Variants in DENND6B observed in about 807,000 individuals in gnomAD.
The protein encoded by DENND6B is protein DENND6B.
DENND6B carries 73 observed loss-of-function variants against 85.1 expected under a neutral mutation model. The ratio of observed to expected loss-of-function variants is 0.86; its 90% CI spans 0.71 to 1.04. The LOEUF is 1.04. DENND6B is among the 50% of genes least tolerant of loss of function. The pLI, the probability that DENND6B is intolerant of heterozygous loss-of-function variation, is 0.00. For synonymous variants in DENND6B, 357 were observed against 329.3 expected (o/e 1.08, Z -0.91); for missense variants, 715 against 785.8 (o/e 0.91, Z 1.08).
At position 50,310,821 on chromosome 22, in the gene DENND6B, G is replaced by GT. The variant is rs1197258838; in HGVS notation, c.*1317dup. The GT allele has an allele frequency of 6.6e-6, 1 of 152,090 alleles. No individual in the cohort carries two copies. The highest frequency in any genetic ancestry group is 1.5e-5 in the Non-Finnish European group (1 of 68,024). The allele number at this position is 152,090 out of a possible 1,614,324, so 9.4% of individuals were successfully genotyped here. A position where few individuals can be genotyped will look rare whatever the true frequency, so the allele number is the denominator to read the frequency against. On this transcript the variant is annotated 3_prime_UTR_variant, in exon 20 of 20. Transcript: ENST00000413817. Reference sequence around the variant, plus strand: ...TAACCAAGCGCAGTGGTGGGTGCCTGTAGTCCCAGCTACTCGGGAGGCTGA... The same window carrying GT: ...TAACCAAGCGCAGTGGTGGGTGCCTGTTAGTCCCAGCTACTCGGGAGGCTGA...
intron 1 of DENND6B, among the ~76,000 whole-genome samples, chr22:50,321,994 C>G (rs957049579): frequency 1.3e-5 from 2 of 151,800 alleles, no homozygotes; most frequent in Non-Finnish European, 2.9e-5. Flanking sequence ...CCACGCCCAG[C>G]TAATTTCCTT....
intron 4 of DENND6B, among the ~76,000 whole-genome samples, chr22:50,317,679 G>A (rs946141281): frequency 2.6e-5 from 4 of 152,160 alleles, no homozygotes; most frequent in African/African-American, 4.8e-5. Context: ...AGCCACAGAT[G>A]TGTGGTGCCA....
intron 9 of DENND6B, 86 bp from the exon 10 acceptor site, chr22:50,315,007 T>C (rs988018213): frequency 6.4e-7 from 1 of 1,562,338 alleles, no homozygotes; most frequent in African/African-American, 1.4e-5. Context: ...TCACCCAGGC[T>C]GGCCCAGGCA....
intron 9 of DENND6B, 45 bp downstream of exon 9, chr22:50,315,668 AC>A (rs746900330): frequency 6.5e-7 from 1 of 1,548,222 alleles, no homozygotes; most frequent in African/African-American, 1.4e-5. Context: ...ACGTGCACAC[AC>A]AGTGAGCTCC....
chr22:50,315,976 A>G (rs368555993), intron 8 of DENND6B, 49 bp downstream of exon 8: 4 of 1,611,818 alleles, frequency 2.5e-6, no homozygotes, highest in Non-Finnish European at 1.7e-6. Context: ...GCAGGACTCA[A>G]TCGGGTGAAG....
rs554763541 is a variant in DENND6B at position 50,311,771 on chromosome 22, T to C, written c.*368A>G. ...GCAGCCTGTTGGGCTGAGGGAAGCA[T>C]CACACACAGCGCAGGGGGGTCGGGG... is the stretch of plus-strand genomic sequence containing the variant. On this transcript the variant is annotated 3_prime_UTR_variant, in exon 20 of 20. Transcript: ENST00000413817. 2 of 273,382 alleles carry C rather than the reference T, an allele frequency of 7.3e-6. No individual in the cohort carries two copies. Among genetic ancestry groups the C allele is most frequent in the Non-Finnish European group, 1.4e-5 (2 of 141,690 alleles). 16.9% of individuals were successfully genotyped at this position (273,382 alleles called of 1,614,324 possible).
rs559697546 is a variant in DENND6B at position 50,317,112 on chromosome 22, T to TG, written c.453+180dup. 36 of 164,362 alleles carry TG rather than the reference T, an allele frequency of 2.2e-4. No homozygotes were observed. The African/African-American group carries it at 2.3e-3, about 10-fold the overall frequency. 10.2% of individuals were successfully genotyped at this position (164,362 alleles called of 1,614,324 possible). On this transcript the variant is annotated intron_variant, in intron 5 of 19. Transcript: ENST00000413817. ...GGGTGGGGGGGTGGCGAGGACAGGG[T>TG]GGGGGGCGGCGAGGACAGGGTGGGG... is the stretch of plus-strand genomic sequence containing the variant.
chr22:50,318,933 T>C (rs1236869616), intron 2 of DENND6B, 32 bp downstream of exon 2: 5 of 1,609,844 alleles, frequency 3.1e-6, no homozygotes, highest in Non-Finnish European at 4.2e-6. Flanking sequence ...CACTCCTGGG[T>C]CCTGTCCATT....
Position 50,326,974 on chromosome 22 carries a change from C to G in DENND6B, c.15G>C (p.Leu5Phe), listed in dbSNP as rs917935282. ...CGCGAGCCCGGCGAGGCCCTGTGCC[C>G]AACAGCGCGTCCATGGCGGCGGCCG... is the stretch of plus-strand genomic sequence containing the variant. MDAL[L>F]GTGPRRARGC... Residue 5 changes from leucine to phenylalanine, a missense_variant, in exon 1 of 20, where the codon TTG becomes TTC. Transcript: ENST00000413817. The G allele has an allele frequency of 6.6e-6, 8 of 1,208,336 alleles. No homozygotes were observed. The highest frequency in any genetic ancestry group is 1.6e-5 in the African/African-American group (1 of 63,020). 74.9% of individuals were successfully genotyped at this position (1,208,336 alleles called of 1,614,324 possible). A position where few individuals can be genotyped will look rare whatever the true frequency, so the allele number is the denominator to read the frequency against.
intron 11 of DENND6B, 34 bp from the exon 12 acceptor site, chr22:50,314,528 AGAGGTCCAGG>A: frequency 6.4e-7 from 1 of 1,554,430 alleles, no homozygotes; most frequent in Admixed American, 2.0e-5. Context: ...AGGCAGAGAC[AGAGGTCCAGG>A]GAGGTGCAGG....
At position 50,314,817 on chromosome 22, in the gene DENND6B, A is replaced by G. The variant is rs776358954; in HGVS notation, c.863T>C (p.Met288Thr). ...GCGATACCTGGTCAAGGCCAGCACCATCTCCGAGGACACGTCGGGCGAGGG... is the reference window on the plus strand; with the variant it reads ...GCGATACCTGGTCAAGGCCAGCACCGTCTCCGAGGACACGTCGGGCGAGGG... ...LAPSPDVSSE[M>T]VLALTSCLQP... The change falls in exon 10 of 20, where the codon ATG becomes ACG. Residue 288 changes from methionine to threonine, a missense_variant. Coordinates refer to ENST00000413817, the MANE Select transcript of DENND6B (RefSeq NM_001001794.4). 6.2e-7 allele frequency: 1 copy of G among 1,609,360 alleles called. No individual in the cohort carries two copies. The highest frequency in any genetic ancestry group is 8.5e-7 in the Non-Finnish European group (1 of 1,178,430).
intron 1 of DENND6B, among the ~76,000 whole-genome samples, chr22:50,319,994 G>A (rs1294921594): frequency 1.3e-5 from 2 of 152,206 alleles, no homozygotes; most frequent in Non-Finnish European, 2.9e-5. Flanking sequence ...ACGCACACAT[G>A]GACCACTTTC....
chr22:50,321,034 G>C (rs1222999427), intron 1 of DENND6B, among the ~76,000 whole-genome samples: 1 of 152,214 alleles, frequency 6.6e-6, no homozygotes, highest in Non-Finnish European at 1.5e-5. Context: ...GGCCTCCCAG[G>C]TCAGGCTGTG....
Position 50,326,889 on chromosome 22 carries a change from G to A in DENND6B, c.100C>T (p.Pro34Ser), listed in dbSNP as rs2042204246. ...AGCCAGGCGGAGAAGCGCGCCCAGG[G>A]CGCCGCCGGGGTCCGCGCCGCGCGA... ...SGRAARTPAA[P>S]WARFSAWLEC... Residue 34 changes from proline to serine, a missense_variant, in exon 1 of 20, where the codon CCC (proline) becomes TCC (serine). Transcript: ENST00000413817. 3.5e-6 allele frequency: 5 copies of A among 1,411,094 alleles called. No individual in the cohort carries two copies. The highest frequency in any genetic ancestry group is 2.4e-4 in the Middle Eastern group (1 of 4,126). The allele number at this position is 1,411,094 out of a possible 1,614,324, so 87.4% of individuals were successfully genotyped here. A position where few individuals can be genotyped will look rare whatever the true frequency, so the allele number is the denominator to read the frequency against.
chr22:50,316,568 G>A (rs950104058), intron 5 of DENND6B, 93 bp from the exon 6 acceptor site: 7 of 1,545,536 alleles, frequency 4.5e-6, no homozygotes, highest in Non-Finnish European at 5.2e-6. Context: ...ACGCTCACCT[G>A]GAGCTGGCCC....
In DENND6B at chr22:50,312,632, G is replaced by A. The variant is rs1342852492; in HGVS notation, c.1458-7C>T. ...GGGGGACTTGAAAAACCGCCTGTGG[G>A]GATTAACAGGCGGGGGGCCATGGGG... On this transcript the variant is annotated splice_region_variant and splice_polypyrimidine_tract_variant and intron_variant, in intron 17 of 19. Transcript: ENST00000413817. 2 of 1,560,482 alleles carry A rather than the reference G, an allele frequency of 1.3e-6. No homozygotes were observed. Among genetic ancestry groups the A allele is most frequent in the African/African-American group, 1.4e-5 (1 of 73,592 alleles).
chr22:50,315,928 G>GA (rs2041797200), intron 8 of DENND6B, 97 bp downstream of exon 8: 4 of 1,588,232 alleles, frequency 2.5e-6, no homozygotes, highest in Non-Finnish European at 3.4e-6. Flanking sequence ...CCCGCAGGGT[G>GA]AACCAAGGAA....
Position 50,316,021 on chromosome 22 carries a change from C to A in DENND6B, c.702+4G>T, listed in dbSNP as rs1321500334. On this transcript the variant is annotated splice_donor_region_variant and intron_variant, in intron 8 of 19. Transcript: ENST00000413817. Reference sequence around the variant, plus strand: ...TTCAGCTCCACCTCCGCCTCAGCTCCCACCTCTTGGTCAAACTGCTTCGGA... The same window carrying A: ...TTCAGCTCCACCTCCGCCTCAGCTCACACCTCTTGGTCAAACTGCTTCGGA... 6.2e-7 allele frequency: 1 copy of A among 1,612,616 alleles called. No homozygotes were observed. Among genetic ancestry groups the A allele is most frequent in the Non-Finnish European group, 8.5e-7 (1 of 1,179,800 alleles).
chr22:50,319,615 C>A (rs1213366158), intron 1 of DENND6B: 1 of 761,280 alleles, frequency 1.3e-6, no homozygotes, highest in African/African-American at 1.9e-5. Context: ...GGCCCCTCAC[C>A]TGGGATGGTC....
Sources: gnomAD v4.1 joint callset for allele counts (sites outside exome capture counted in the v4.1 genomes callset) on GRCh38, gnomAD v4.1.1 for gene constraint, MANE v1.5 for transcripts, NCBI Gene and HGNC (gene_info 2026-07-23, HGNC 2026-07-21) for gene names.